SHANK2: variants seen among roughly 807,000 people sequenced by gnomAD.
SHANK2 encodes the protein SH3 and multiple ankyrin repeat domains 2, also known as SH3 and multiple ankyrin repeat domains protein 2.
Under a neutral mutation model 133.7 loss-of-function variants are expected in SHANK2, and 43 were observed. The ratio of observed to expected loss-of-function variants is 0.32; its 90% CI spans 0.25 to 0.41. The LOEUF (loss-of-function observed/expected upper bound fraction) is 0.41, where lower values mean the gene tolerates loss of function less well. Among genes scored for constraint, SHANK2 ranks in the 10% least tolerant of loss-of-function variants. SHANK2 has a pLI of 1.00. For missense variants in SHANK2, 1,994 were observed against 2,235.8 expected (o/e 0.89, Z 2.18); for synonymous variants, 1,017 against 952.8 (o/e 1.07, Z -1.24).
At chr11:71,120,005 CT>C (rs1952053624) in intron 3 of SHANK2, among the ~76,000 whole-genome samples, 1 of 152,220 alleles carries the variant, frequency 6.6e-6, no homozygotes, top group African/African-American at 2.4e-5. Context: ...ATCACCTCTC[CT>C]CCCAAAGGAC....
At chr11:70,670,421 C>G (rs534900439) in intron 15 of SHANK2, among the ~76,000 whole-genome samples, 4 of 152,340 alleles carry the variant, frequency 2.6e-5, no homozygotes, top group African/African-American at 9.6e-5. Flanking sequence ...GGTGTCCCAG[C>G]TCAGCGGAGA....
intron 11 of SHANK2, among the ~76,000 whole-genome samples, chr11:70,833,478 G>T (rs1301599254): frequency 6.6e-6 from 1 of 152,254 alleles, no homozygotes; most frequent in Non-Finnish European, 1.5e-5. Flanking sequence ...ATCTCTCAGG[G>T]AGGCCTCTGG....
At chr11:70,639,005 CAAAAAAACAAA>C (rs71049931) in intron 17 of SHANK2, among the ~76,000 whole-genome samples, 6,247 of 150,346 alleles carry the variant, frequency 0.042, 153 homozygotes, top group South Asian at 0.069. Context: ...CTCAAAAAAA[CAAAAAAACAAA>C]AAAAAAACAA....
At position 70,928,007 on chromosome 11, in the gene SHANK2, G is replaced by A. The variant is rs551171665; in HGVS notation, c.1108-31440C>T. ...CAGATTGTGGGACTTCTCAGCCTCC[G>A]TAATCACATGCGCCAATTCCTTATA... On this transcript the variant is annotated intron_variant, in intron 10 of 25. Coordinates refer to ENST00000601538, the MANE Select transcript of SHANK2 (RefSeq NM_012309.5). 7.8e-4 allele frequency among the ~76,000 whole-genome samples: 119 copies of A among 152,256 alleles called. 1 individual carries two copies. Among genetic ancestry groups the A allele is most frequent in the South Asian group, 6.2e-4 (3 of 4,828 alleles).
chr11:70,489,413 G>T, intron 23 of SHANK2, 65 bp from the exon 24 acceptor site: 1 of 1,540,180 alleles, frequency 6.5e-7, no homozygotes, highest in Non-Finnish European at 9.0e-7. Flanking sequence ...CTTTCCCTGA[G>T]TTTGCTGGTG....
At chr11:71,171,449 G>C (rs953079047) in intron 2 of SHANK2, among the ~76,000 whole-genome samples, 2 of 152,158 alleles carry the variant, frequency 1.3e-5, no homozygotes, top group Admixed American at 1.3e-4. Flanking sequence ...AGTGAAACAG[G>C]GACTCAGCCA....
intron 1 of SHANK2, among the ~76,000 whole-genome samples, chr11:71,231,531 A>G (rs537616332): frequency 1.3e-5 from 2 of 152,312 alleles, no homozygotes; most frequent in South Asian, 4.1e-4. Context: ...AAAAACCTAA[A>G]TATGTAACTC....
chr11:70,557,339 G>A (rs1554979879), intron 17 of SHANK2, among the ~76,000 whole-genome samples: 1 of 152,076 alleles, frequency 6.6e-6, no homozygotes, highest in African/African-American at 2.4e-5. Flanking sequence ...TCCAGGGCGG[G>A]GACTGAACCC....
intron 15 of SHANK2, among the ~76,000 whole-genome samples, chr11:70,693,266 T>C (rs782633482): frequency 6.6e-6 from 1 of 152,164 alleles, no homozygotes; most frequent in African/African-American, 2.4e-5. Context: ...CGCCCTCCAA[T>C]GCCTCCACTG....
intron 10 of SHANK2, among the ~76,000 whole-genome samples, chr11:70,936,383 G>A (rs981054086): frequency 3.3e-5 from 5 of 152,066 alleles, no homozygotes; most frequent in Non-Finnish European, 5.9e-5. Flanking sequence ...ATGGTGGCAC[G>A]TGCCTGTAGT....
At chr11:71,124,436 T>G (rs1408419653) in intron 3 of SHANK2, among the ~76,000 whole-genome samples, 2 of 151,664 alleles carry the variant, frequency 1.3e-5, no homozygotes, top group Non-Finnish European at 2.9e-5. Context: ...GACACAGTGA[T>G]GATTACCATG....
At chr11:70,625,059 T>G (rs2060886166) in intron 17 of SHANK2, among the ~76,000 whole-genome samples, 1 of 152,150 alleles carries the variant, frequency 6.6e-6, no homozygotes. Context: ...GAAAGACTCG[T>G]AGAACTCACT....
intron 11 of SHANK2, among the ~76,000 whole-genome samples, chr11:70,828,666 G>C (rs1948682111): frequency 6.6e-6 from 1 of 152,260 alleles, no homozygotes. Flanking sequence ...TCATTGCCAT[G>C]TGCTGGCCTG....
intron 11 of SHANK2, chr11:70,863,184 G>A: frequency 2.7e-6 from 1 of 371,612 alleles, no homozygotes; most frequent in South Asian, 2.0e-5. Context: ...GCAGGTGAGA[G>A]AGGTCCCTGG....
intron 10 of SHANK2, among the ~76,000 whole-genome samples, chr11:70,950,777 T>TTGTG (rs58263736): frequency 2.2e-4 from 34 of 151,600 alleles, no homozygotes; most frequent in East Asian, 1.2e-3. Context: ...CCAGCTAATT[T>TTGTG]TGTGTGTGTG....
At chr11:71,208,155 T>G (rs1268008312) in intron 2 of SHANK2, among the ~76,000 whole-genome samples, 1 of 151,974 alleles carries the variant, frequency 6.6e-6, no homozygotes, top group Non-Finnish European at 1.5e-5. Context: ...AGCCATGCAG[T>G]GGTGTTCCCA....
At chr11:71,113,615 T>C (rs1357501849) in intron 4 of SHANK2, among the ~76,000 whole-genome samples, 2 of 152,198 alleles carry the variant, frequency 1.3e-5, no homozygotes, top group Non-Finnish European at 2.9e-5. Context: ...GAAGGGAAGA[T>C]CCTGCAGGTG....
intron 3 of SHANK2, among the ~76,000 whole-genome samples, chr11:71,146,765 T>C (rs1555106753): frequency 6.6e-6 from 1 of 152,130 alleles, no homozygotes; most frequent in East Asian, 1.9e-4. Flanking sequence ...TAGAAGCCAG[T>C]TGCGGGTGCA....
chr11:70,928,415 A>G (rs2135789172), intron 10 of SHANK2, among the ~76,000 whole-genome samples: 1 of 152,336 alleles, frequency 6.6e-6, no homozygotes, highest in Non-Finnish European at 1.5e-5. Flanking sequence ...AGGGCTGCCC[A>G]GGACAGTCCT....
Sources: allele counts gnomAD v4.1 joint callset (sites outside exome capture counted in the v4.1 genomes callset), GRCh38; gene constraint gnomAD v4.1.1; transcripts MANE v1.5; gene names NCBI Gene and HGNC (gene_info 2026-07-23, HGNC 2026-07-21).